The following PNPLA7 variants were observed in gnomAD, a reference collection of about 807,000 sequenced individuals.
PNPLA7 encodes the protein patatin like domain 7, lysophospholipase, also known as patatin-like phospholipase domain-containing protein 7.
PNPLA7 carries 153 observed loss-of-function variants against 161.7 expected under a neutral mutation model. That is an observed-to-expected ratio of 0.95 (90% CI 0.83 to 1.08). PNPLA7 has a LOEUF of 1.08. PNPLA7 is among the 50% of genes least tolerant of loss of function. The probability of loss-of-function intolerance (pLI) is 0.00; values close to 1 mark genes in which losing one functional copy is unlikely to be tolerated. For missense variants in PNPLA7, 1,739 were observed against 1,856.6 expected (o/e 0.94, Z 1.16); for synonymous variants, 809 against 782.1 (o/e 1.03, Z -0.57).
rs529567634 is a variant in PNPLA7 at position 137,481,716 on chromosome 9, A to C, written c.2348-693T>G. ...GGTGGCTCACGCCTGTAATCCCAGCACTTTGGGAGGCCAAGGGATCACGAG... is the reference window on the plus strand; with the variant it reads ...GGTGGCTCACGCCTGTAATCCCAGCCCTTTGGGAGGCCAAGGGATCACGAG... On this transcript the variant is annotated intron_variant, in intron 21 of 34. Coordinates refer to ENST00000406427, the MANE Select transcript of PNPLA7 (RefSeq NM_001098537.3). 6.1e-4 allele frequency among the ~76,000 whole-genome samples: 93 copies of C among 152,306 alleles called. 1 individual carries two copies. The Middle Eastern group carries it at 0.01, about 17-fold the overall frequency.
chr9:137,529,539 G>A (rs1835468787), intron 8 of PNPLA7, among the ~76,000 whole-genome samples: 1 of 152,086 alleles, frequency 6.6e-6, no homozygotes, highest in Admixed American at 6.6e-5. Context: ...GTCTGTATCT[G>A]TGGATGGTGG....
At chr9:137,509,699 G>T in intron 12 of PNPLA7, 1 of 452,148 alleles carries the variant, frequency 2.2e-6, no homozygotes, top group Non-Finnish European at 4.5e-6. Context: ...TGTGGCCCAT[G>T]ATGCACAGCA....
intron 9 of PNPLA7, among the ~76,000 whole-genome samples, chr9:137,522,003 A>G (rs1835018202): frequency 6.6e-6 from 1 of 152,172 alleles, no homozygotes; most frequent in Admixed American, 6.5e-5. Flanking sequence ...AAATGTAAAA[A>G]TCTCTTTGGG....
In PNPLA7 at chr9:137,468,364, G is replaced by A. The variant is rs1189028858; in HGVS notation, c.2883-891C>T. Reference sequence around the variant, plus strand: ...CCAAAAGAAAAAACAGACAATGAAAGTGGGCCCAGAGTGCCTCCCAGGTAA... The same window carrying A: ...CCAAAAGAAAAAACAGACAATGAAAATGGGCCCAGAGTGCCTCCCAGGTAA... On this transcript the variant is annotated intron_variant, in intron 25 of 34. Coordinates refer to ENST00000406427, the MANE Select transcript of PNPLA7 (RefSeq NM_001098537.3). This position sits in a 1 kb window ranked among gnomAD's most constrained non-coding sequence, Gnocchi z 4.0. Among the ~76,000 whole-genome samples the A allele has an allele frequency of 1.3e-5, 2 of 152,208 alleles. No homozygotes were observed. Among genetic ancestry groups the A allele is most frequent in the East Asian group, 1.9e-4 (1 of 5,206 alleles).
intron 8 of PNPLA7, among the ~76,000 whole-genome samples, chr9:137,530,059 G>A (rs1164888097): frequency 1.3e-5 from 2 of 152,022 alleles, no homozygotes; most frequent in Non-Finnish European, 1.5e-5. Flanking sequence ...CTGCCTCCCG[G>A]GTTCAAGCGA....
At position 137,480,411 on chromosome 9, in the gene PNPLA7, C is replaced by T. The variant is rs776273431; in HGVS notation, c.2481G>A (p.Gln827=). The change falls in exon 23 of 35, where the codon CAG becomes CAA. Residue 827 remains glutamine, a synonymous_variant. Transcript: ENST00000406427. ...TCCAGGGTGTGAGCGTGCCATCTGC[C>T]TGGTAGAGCACGATCCTGTGGGTGT... The part of the protein sequence containing the change: ...QEDTHRIVLY[Q]ADGTLTPWTQ... The T allele has an allele frequency of 4.2e-5, 68 of 1,613,436 alleles. No individual in the cohort carries two copies. The highest frequency in any genetic ancestry group is 5.7e-5 in the Non-Finnish European group (67 of 1,179,906).
intron 11 of PNPLA7, among the ~76,000 whole-genome samples, chr9:137,516,836 T>A (rs79164050): frequency 0.12 from 18,330 of 148,860 alleles, 1,133 homozygotes; most frequent in East Asian, 0.22. Flanking sequence ...TAATAATAAT[T>A]ATTATTATTA....
Position 137,463,467 on chromosome 9 carries a change from G to T in PNPLA7, c.3291C>A (p.Asp1097Glu). The T allele has an allele frequency of 6.3e-7, 1 of 1,595,972 alleles. No homozygotes were observed. The change falls in exon 29 of 35, where the codon GAC (aspartate) becomes GAA (glutamate). Residue 1097 changes from aspartate (D) to glutamate (E), a missense_variant. Around this residue, in one of 6 missense-constraint regions of PNPLA7, gnomAD observed 703 missense variants for 694.6 expected, o/e 1.01. Coordinates refer to ENST00000406427, the MANE Select transcript of PNPLA7 (RefSeq NM_001098537.3). ...CCATCAGCAGGTGTCCGTCCTTCGG[G>T]TCACAGAGAGGGGGCATGTAACCGG... ...SLSGYMPPLC[D>E]PKDGHLLMDG...
intron 26 of PNPLA7, among the ~76,000 whole-genome samples, chr9:137,465,863 G>A (rs909950956): frequency 1.2e-4 from 19 of 152,170 alleles, no homozygotes; most frequent in African/African-American, 3.9e-4. Flanking sequence ...GAGGGCAGAC[G>A]GTGGCCACGT....
Position 137,543,650 on chromosome 9 carries a change from G to A in PNPLA7, c.365+74C>T. The A allele has an allele frequency of 1.2e-6, 2 of 1,609,886 alleles. No individual in the cohort carries two copies. Among genetic ancestry groups the A allele is most frequent in the Non-Finnish European group, 1.7e-6 (2 of 1,177,310 alleles). On this transcript the variant is annotated intron_variant, in intron 5 of 34. Coordinates refer to ENST00000406427, the MANE Select transcript of PNPLA7 (RefSeq NM_001098537.3). This position sits in a 1 kb window ranked among gnomAD's most constrained non-coding sequence, Gnocchi z 6.9. ...ACAGCATCAGTGGCTGACACACCAGGCAGCTCAGGGTTGGGGAGGCCAGCA... is the reference window on the plus strand; with the variant it reads ...ACAGCATCAGTGGCTGACACACCAGACAGCTCAGGGTTGGGGAGGCCAGCA...
At chr9:137,535,752 CA>C (rs60744369) in intron 8 of PNPLA7, among the ~76,000 whole-genome samples, 1,940 of 99,120 alleles carry the variant, frequency 0.02, 32 homozygotes, top group African/African-American at 0.058. Flanking sequence ...GACCCCGTCT[CA>C]AAAAAAAAAA....
rs140666042 is a variant in PNPLA7 at position 137,467,430 on chromosome 9, C to T, written c.2926G>A (p.Gly976Ser). ...CCTCCCACCATGTCCACAGGGATGCCGCACTCCGCCAAGGCCTTGAGAACG... is the reference window on the plus strand; with the variant it reads ...CCTCCCACCATGTCCACAGGGATGCTGCACTCCGCCAAGGCCTTGAGAACG... ...VGVLKALAEC[G>S]IPVDMVGGTS... is the part of the protein sequence containing the mutation. Residue 976 changes from glycine to serine, a missense_variant, in exon 26 of 35, where the codon GGC (glycine) becomes AGC (serine). Transcript: ENST00000406427. This position sits in a 1 kb window ranked among gnomAD's most constrained non-coding sequence, Gnocchi z 5.1. The T allele has an allele frequency of 4.5e-5, 72 of 1,613,188 alleles. No individual in the cohort carries two copies. The highest frequency in any genetic ancestry group is 1.6e-4 in the East Asian group (7 of 44,898).
At position 137,496,233 on chromosome 9, in the gene PNPLA7, G is replaced by A. The variant is rs538610403; in HGVS notation, c.2013+954C>T. On this transcript the variant is annotated intron_variant, in intron 18 of 34. Transcript: ENST00000406427. ...AGCGATTCTCCTGCCTCAGCCTCCCGAGTAGCTGGGATTACAGGCACCCGC... is the reference window on the plus strand; with the variant it reads ...AGCGATTCTCCTGCCTCAGCCTCCCAAGTAGCTGGGATTACAGGCACCCGC... Among the ~76,000 whole-genome samples, 31 of 149,842 alleles carry A rather than the reference G, an allele frequency of 2.1e-4. No homozygotes were observed. The East Asian group carries it at 6.2e-3, about 30-fold the overall frequency.
At position 137,543,796 on chromosome 9, in the gene PNPLA7, G is replaced by T. The variant is rs369133449; in HGVS notation, c.293C>A (p.Thr98Asn). Residue 98 changes from threonine (T) to asparagine (N), a missense_variant, in exon 5 of 35, where the codon ACC becomes AAC. Coordinates refer to ENST00000406427, the MANE Select transcript of PNPLA7 (RefSeq NM_001098537.3). This position sits in a 1 kb window ranked among gnomAD's most constrained non-coding sequence, Gnocchi z 6.9. ...GGGCAGGGCAGTGTTCTCCACAAGGGTGTTGGGGAGTGTGGTCACCTGCAG... is the reference window on the plus strand; with the variant it reads ...GGGCAGGGCAGTGTTCTCCACAAGGTTGTTGGGGAGTGTGGTCACCTGCAG... ...IMRKVTTLPN[T>N]LVENTALPRQ... 23 of 1,613,602 alleles carry T rather than the reference G, an allele frequency of 1.4e-5. No individual in the cohort carries two copies. In the African/African-American group the frequency reaches 2.8e-4, roughly 20 times the overall value.
chr9:137,479,399 C>T (rs530461360), intron 23 of PNPLA7, 161 bp from the exon 24 acceptor site: 418 of 1,303,882 alleles, frequency 3.2e-4, no homozygotes, highest in African/African-American at 1.3e-3. Flanking sequence ...TTGGCGCTGC[C>T]GAAGCTCTGA....
At chr9:137,480,109 G>T (rs1832139700) in intron 23 of PNPLA7, among the ~76,000 whole-genome samples, 1 of 152,242 alleles carries the variant, frequency 6.6e-6, no homozygotes, top group African/African-American at 2.4e-5. Context: ...GGCCACGTGG[G>T]GCACCTGCCC....
intron 1 of PNPLA7, among the ~76,000 whole-genome samples, chr9:137,549,160 G>A (rs1196125905): frequency 2.6e-5 from 4 of 152,364 alleles, no homozygotes; most frequent in South Asian, 4.1e-4. Context: ...TAAGGCCTTT[G>A]CCATGTGGCT....
rs1029111461 is a variant in PNPLA7, at chr9:137,476,664, C to T, written c.2882+1370G>A. Among the ~76,000 whole-genome samples, 3 of 152,122 alleles carry T rather than the reference C, an allele frequency of 2.0e-5. No individual in the cohort carries two copies. The highest frequency in any genetic ancestry group is 2.9e-5 in the Non-Finnish European group (2 of 68,038). On this transcript the variant is annotated intron_variant, in intron 25 of 34. Transcript: ENST00000406427. This position sits in a 1 kb window ranked among gnomAD's most constrained non-coding sequence, Gnocchi z 4.5. ...ACTGCAGTTACGTGCCTTACAGAAC[C>T]GTATGGCTTCTAAGTATTACCTTGA...
chr9:137,526,465 G>A (rs962488084), intron 8 of PNPLA7, among the ~76,000 whole-genome samples: 2 of 152,210 alleles, frequency 1.3e-5, no homozygotes, highest in Non-Finnish European at 2.9e-5. Context: ...TTTTAGTAGA[G>A]ACGGGGTTTC....
Sources: allele counts gnomAD v4.1 joint callset (sites outside exome capture counted in the v4.1 genomes callset), GRCh38; gene constraint gnomAD v4.1.1; regional missense constraint gnomAD v4.1.1; non-coding constraint Gnocchi (gnomAD v3.1); transcripts MANE v1.5; gene names NCBI Gene and HGNC (gene_info 2026-07-23, HGNC 2026-07-21).